The following RP1 variants were observed in gnomAD, a reference collection of about 807,000 sequenced individuals.
RP1 encodes the protein oxygen-regulated protein 1.
A neutral mutation model predicts 14.8 loss-of-function variants in RP1; 16 were observed. The observed-to-expected ratio is 1.08, with a 90% CI of 0.73 to 1.65. The LOEUF (loss-of-function observed/expected upper bound fraction) is 1.65, where lower values mean the gene tolerates loss of function less well. Among genes scored for constraint, RP1 ranks in the 40% most tolerant of loss-of-function variants. The probability of loss-of-function intolerance (pLI) is 0.00; values close to 1 mark genes in which losing one functional copy is unlikely to be tolerated. For missense variants in RP1, 2,631 were observed against 2,535.0 expected (o/e 1.04, Z -0.81); for synonymous variants, 876 against 883.6 (o/e 0.99, Z 0.15).
At chr8:54,647,260 C>A (rs1466617752) in intron 3 of RP1, among the ~76,000 whole-genome samples, 3 of 151,758 alleles carry the variant, frequency 2.0e-5, no homozygotes, top group Non-Finnish European at 2.9e-5. Context: ...TACGAAAATA[C>A]AAAAATTACC....
chr8:54,632,732 T>C (rs1806272739), downstream of RP1, among the ~76,000 whole-genome samples: 1 of 152,198 alleles, frequency 6.6e-6, no homozygotes, highest in South Asian at 2.1e-4. Flanking sequence ...TCTGTAAAGA[T>C]GATTTTTTCT....
intron 1 of RP1, among the ~76,000 whole-genome samples, chr8:54,563,047 A>G (rs984090412): frequency 3.9e-5 from 6 of 152,162 alleles, no homozygotes; most frequent in Admixed American, 6.5e-5. Flanking sequence ...GTAGACTCTT[A>G]CTCTTAACTT....
intron 24 of RP1, among the ~76,000 whole-genome samples, chr8:54,810,406 A>G (rs1810962538): frequency 6.6e-6 from 1 of 152,122 alleles, no homozygotes; most frequent in African/African-American, 2.4e-5. Flanking sequence ...TTTAAGTCCC[A>G]CCACTCTATC....
chr8:54,785,930 T>A (rs1484545889), intron 24 of RP1, among the ~76,000 whole-genome samples: 2 of 152,222 alleles, frequency 1.3e-5, no homozygotes, highest in East Asian at 3.9e-4. Context: ...ATTGGATCAT[T>A]TGTCTTTTTA....
At chr8:54,794,359 T>G (rs190555261) in intron 24 of RP1, among the ~76,000 whole-genome samples, 265 of 151,340 alleles carry the variant, frequency 1.8e-3, no homozygotes, top group African/African-American at 6.0e-3. Context: ...TTTATTGGCA[T>G]AAAAGTAGAC....
intron 24 of RP1, among the ~76,000 whole-genome samples, chr8:54,800,035 A>T (rs1180848268): frequency 6.8e-6 from 1 of 146,012 alleles, no homozygotes; most frequent in Non-Finnish European, 1.5e-5. Context: ...TCTGTTAGAA[A>T]TACATTTCCT....
downstream of RP1, among the ~76,000 whole-genome samples, chr8:54,631,211 A>G (rs1357227834): frequency 6.6e-6 from 1 of 152,178 alleles, no homozygotes; most frequent in Non-Finnish European, 1.5e-5. Flanking sequence ...GTTCAGCATG[A>G]GTCATAAATT....
intron 24 of RP1, among the ~76,000 whole-genome samples, chr8:54,805,332 G>A (rs1039842): frequency 0.78 from 119,095 of 152,166 alleles, 47,307 homozygotes; most frequent in African/African-American, 0.92. Context: ...CAGATGAAAT[G>A]TGTATATTAT....
intron 1 of RP1, among the ~76,000 whole-genome samples, chr8:54,598,343 A>T (rs1463071300): frequency 1.3e-5 from 2 of 152,190 alleles, no homozygotes; most frequent in Non-Finnish European, 2.9e-5. Context: ...TTGTACATAC[A>T]TAACTATCAG....
chr8:54,646,032 T>C (rs1427263227), intron 3 of RP1, among the ~76,000 whole-genome samples: 1 of 152,078 alleles, frequency 6.6e-6, no homozygotes, highest in Non-Finnish European at 1.5e-5. Flanking sequence ...TTCAACTCAC[T>C]CTTTTTCAAA....
rs868591794 is a variant in RP1, at chr8:54,627,343, C to T, written c.3461C>T (p.Thr1154Ile). 1.9e-6 allele frequency: 3 copies of T among 1,614,128 alleles called. No homozygotes were observed. Among genetic ancestry groups the T allele is most frequent in the Admixed American group, 3.3e-5 (2 of 60,022 alleles). Residue 1154 changes from threonine (T) to isoleucine (I), a missense_variant, in exon 4 of 4, where the codon ACC becomes ATC. Transcript: ENST00000220676. ...TGTCAAGTTGATGCTCACAAGGCTA[C>T]CAACAAATCTTCAGAAACACTTGCA... ...SFCQVDAHKA[T>I]NKSSETLALL...
intron 1 of RP1, among the ~76,000 whole-genome samples, chr8:54,602,052 A>G (rs1340946962): frequency 6.6e-6 from 1 of 152,154 alleles, no homozygotes; most frequent in Non-Finnish European, 1.5e-5. Context: ...TTTTTAAATT[A>G]TGCTTTAAGT....
intron 24 of RP1, among the ~76,000 whole-genome samples, chr8:54,824,157 T>A (rs1048958436): frequency 2.0e-5 from 3 of 152,222 alleles, no homozygotes; most frequent in Admixed American, 6.5e-5. Context: ...ATTGAGCTTT[T>A]AGCTGCTAGT....
At chr8:54,567,427 GA>G (rs1475472404) in intron 1 of RP1, among the ~76,000 whole-genome samples, 1 of 152,060 alleles carries the variant, frequency 6.6e-6, no homozygotes, top group Admixed American at 6.6e-5. Flanking sequence ...AAAGTCACAG[GA>G]ATTTCACTTA....
intron 25 of RP1, among the ~76,000 whole-genome samples, chr8:54,846,392 A>G (rs1480103133): frequency 1.3e-5 from 2 of 152,162 alleles, no homozygotes; most frequent in Non-Finnish European, 2.9e-5. Context: ...CCTTCTCCAC[A>G]ACTGATTATA....
chr8:54,751,086 G>A (rs571861608), intron 19 of RP1, among the ~76,000 whole-genome samples: 117 of 152,288 alleles, frequency 7.7e-4, no homozygotes, highest in African/African-American at 2.6e-3. Flanking sequence ...GTGAAGGTCT[G>A]CGGCTCCATT....
At chr8:54,661,493 T>C (rs1161646652) in intron 6 of RP1, among the ~76,000 whole-genome samples, 1 of 151,098 alleles carries the variant, frequency 6.6e-6, no homozygotes, top group Non-Finnish European at 1.5e-5. Context: ...AAAAAAGAAA[T>C]CTTTAGATTC....
At chr8:54,606,339 A>T (rs1805441406) in intron 1 of RP1, among the ~76,000 whole-genome samples, 1 of 152,022 alleles carries the variant, frequency 6.6e-6, no homozygotes, top group Non-Finnish European at 1.5e-5. Context: ...TGAGTTGAAA[A>T]TTCTTTTCTT....
At chr8:54,831,072 T>C (rs565420399) in intron 24 of RP1, among the ~76,000 whole-genome samples, 1 of 152,234 alleles carries the variant, frequency 6.6e-6, no homozygotes, top group East Asian at 1.9e-4. Context: ...TTCCTTTGTT[T>C]GTATATATCA....
Sources: gnomAD v4.1 joint callset for allele counts (sites outside exome capture counted in the v4.1 genomes callset) on GRCh38, gnomAD v4.1.1 for gene constraint, MANE v1.5 for transcripts, NCBI Gene and HGNC (gene_info 2026-07-23, HGNC 2026-07-21) for gene names.